NOS1: variants seen among roughly 807,000 people sequenced by gnomAD.
NOS1 encodes NOS type I.
Under a neutral mutation model 164.5 loss-of-function variants are expected in NOS1, and 51 were observed. That is an observed-to-expected ratio of 0.31 (90% CI 0.25 to 0.39). NOS1 has a LOEUF of 0.39. NOS1 is among the 10% of genes least tolerant of loss of function. NOS1 has a pLI of 1.00. For missense variants in NOS1, 1,362 were observed against 1,885.6 expected, an observed-to-expected ratio of 0.72 and a Z score of 5.14; for synonymous variants, 719 against 745.8, an observed-to-expected ratio of 0.96 and a Z score of 0.59.
chr12:117,285,015 A>C (rs1873994057), intron 7 of NOS1, among the ~76,000 whole-genome samples: 1 of 148,872 alleles, frequency 6.7e-6, no homozygotes, highest in Admixed American at 6.8e-5. Flanking sequence ...ATGCCACTGT[A>C]CTCCAGCCTG....
chr12:117,243,888 C>A lies in NOS1; in HGVS notation c.2824-453G>T. 6.6e-6 allele frequency among the ~76,000 whole-genome samples: 1 copy of A among 152,014 alleles called. No homozygotes were observed. Among genetic ancestry groups the A allele is most frequent in the Non-Finnish European group, 1.5e-5 (1 of 67,992 alleles). ...CCCACCCACCCACCTATCCATCTAT[C>A]TTTCCATGCAGGCATGCATCCATCC... On this transcript the variant is annotated intron_variant, in intron 18 of 28. Transcript: ENST00000317775. This position sits in a 1 kb window ranked among gnomAD's most constrained non-coding sequence, Gnocchi z 4.3.
chr12:117,329,138 A>C lies in NOS1; in HGVS notation c.725+1207T>G, dbSNP rs58471203. On this transcript the variant is annotated intron_variant, in intron 2 of 28. Coordinates refer to ENST00000317775, the MANE Select transcript of NOS1 (RefSeq NM_000620.5). Reference sequence around the variant, plus strand: ...CACCTGTAGCACATGACCTCATTACATATTTATATATTTATCTTATTTACC... The same window carrying C: ...CACCTGTAGCACATGACCTCATTACCTATTTATATATTTATCTTATTTACC... Among the ~76,000 whole-genome samples the C allele has an allele frequency of 9.7e-3, 1,471 of 152,276 alleles. 27 individuals carry two copies. Among genetic ancestry groups the C allele is most frequent in the South Asian group, 0.032 (152 of 4,822 alleles).
At chr12:117,314,541 T>C (rs55805437) in intron 2 of NOS1, among the ~76,000 whole-genome samples, 19,090 of 152,224 alleles carry the variant, frequency 0.13, 1,465 homozygotes, top group East Asian at 0.26. Context: ...TTTCCCAAGG[T>C]CCCACCGTAA....
In NOS1 at chr12:117,331,028, A is replaced by G; in HGVS notation, c.42T>C (p.Asn14=). ...HMFGVQQIQP[N]VISVRLFKRK... The stretch of plus-strand genomic sequence containing the variant: ...GCTTGAAGAGACGAACAGAAATGAC[A>G]TTGGGCTGGATTTGCTGAACACCGA... Residue 14 remains asparagine (N), a synonymous_variant, in exon 2 of 29, where the codon AAT becomes AAC. Transcript: ENST00000317775. The G allele has an allele frequency of 6.2e-7, 1 of 1,613,792 alleles. No individual in the cohort carries two copies. Among genetic ancestry groups the G allele is most frequent in the Non-Finnish European group, 8.5e-7 (1 of 1,179,776 alleles).
At chr12:117,228,728 C>A (rs1248620557) in intron 22 of NOS1, among the ~76,000 whole-genome samples, 1 of 152,062 alleles carries the variant, frequency 6.6e-6, no homozygotes, top group Non-Finnish European at 1.5e-5. Context: ...AAGATTTTCA[C>A]CATGTTCCTA....
chr12:117,282,305 G>GC (rs1873738951), intron 7 of NOS1, among the ~76,000 whole-genome samples: 3 of 152,112 alleles, frequency 2.0e-5, no homozygotes, highest in Admixed American at 2.0e-4. Flanking sequence ...GGATTCGCTG[G>GC]CCCCCCATCC....
rs1956473404 is a variant in NOS1, at chr12:117,208,397, T to C, written c.*6912A>G. The C allele has an allele frequency of 1.8e-6, 2 of 1,119,668 alleles. No homozygotes were observed. Among genetic ancestry groups the C allele is most frequent in the Non-Finnish European group, 2.4e-6 (2 of 841,068 alleles). 69.4% of individuals were successfully genotyped at this position (1,119,668 alleles called of 1,614,324 possible). A position where few individuals can be genotyped will look rare whatever the true frequency, so the allele number is the denominator to read the frequency against. On this transcript the variant is annotated 3_prime_UTR_variant, in exon 29 of 29. Coordinates refer to ENST00000317775, the MANE Select transcript of NOS1 (RefSeq NM_000620.5). ...ACGGCCGAGTTTCTGACAGCGTGTG[T>C]GTGTGTGTGTGTGTGTGTGTGTGTG...
chr12:117,232,094 C>T lies in NOS1; in HGVS notation c.3273G>A (p.Pro1091=), dbSNP rs1004551488. 2.5e-5 allele frequency: 40 copies of T among 1,611,860 alleles called. No individual in the cohort carries two copies. The highest frequency in any genetic ancestry group is 2.2e-4 in the Middle Eastern group (1 of 4,504). Residue 1091 remains proline (P), a synonymous_variant, in exon 22 of 29, where the codon CCG becomes CCA. Transcript: ENST00000317775. ...TGAAGGCCTGGAAGATGGTGCAGGG[C>T]GGGAGGCGGAGCTCGTCTGTCCAGT... ...ISNWTDELRL[P]PCTIFQAFKY...
chr12:117,347,289 A>C (rs551677360), intron 1 of NOS1, among the ~76,000 whole-genome samples: 1 of 104,130 alleles, frequency 9.6e-6, no homozygotes, highest in African/African-American at 3.5e-5. Flanking sequence ...ACCCTGTCTC[A>C]AAACAAGGAA....
intron 13 of NOS1, among the ~76,000 whole-genome samples, chr12:117,262,064 C>G (rs1193126266): frequency 1.3e-5 from 2 of 152,148 alleles, no homozygotes; most frequent in African/African-American, 4.8e-5. Flanking sequence ...CTGGGATTAT[C>G]GGCGTTAAGT....
intron 17 of NOS1, among the ~76,000 whole-genome samples, chr12:117,248,149 G>A (rs1037844194): frequency 2.6e-5 from 4 of 151,270 alleles, no homozygotes; most frequent in Admixed American, 6.6e-5. Context: ...TCTTGGACTT[G>A]TGGCTTCCAG....
chr12:117,264,287 T>C (rs1296274106), intron 12 of NOS1, among the ~76,000 whole-genome samples: 3 of 151,958 alleles, frequency 2.0e-5, no homozygotes, highest in Admixed American at 2.0e-4. Context: ...TTCTCTCTCT[T>C]AAGAGACAGG....
intron 3 of NOS1, among the ~76,000 whole-genome samples, chr12:117,305,785 C>T (rs1387640980): frequency 2.7e-5 from 4 of 150,292 alleles, no homozygotes; most frequent in Admixed American, 1.3e-4. Flanking sequence ...TTCGCAGGCC[C>T]GTGACTTTTT....
intron 16 of NOS1, 23 bp from the exon 17 acceptor site, chr12:117,253,777 G>A: frequency 6.4e-7 from 1 of 1,557,228 alleles, no homozygotes; most frequent in Admixed American, 1.7e-5. Context: ...AAGAGAACCT[G>A]TGAGCTCTGG....
chr12:117,220,997 C>G (rs1045153838), intron 26 of NOS1, among the ~76,000 whole-genome samples: 31 of 151,866 alleles, frequency 2.0e-4, no homozygotes, highest in African/African-American at 7.3e-4. Flanking sequence ...TCTCTGAGTG[C>G]CCCCCCAACC....
Position 117,210,195 on chromosome 12 carries a change from G to T in NOS1, c.*5114C>A. 1 of 653,212 alleles carries T rather than the reference G, an allele frequency of 1.5e-6. No homozygotes were observed. The highest frequency in any genetic ancestry group is 1.9e-6 in the Non-Finnish European group (1 of 529,058). 40.5% of individuals were successfully genotyped at this position (653,212 alleles called of 1,614,324 possible). The stretch of plus-strand genomic sequence containing the variant: ...GAGATTGCGCTGTGTTGCCCAAGCT[G>T]GTCTCAAACTCCTGGCCCCAAGTGA... On this transcript the variant is annotated 3_prime_UTR_variant, in exon 29 of 29. Coordinates refer to ENST00000317775, the MANE Select transcript of NOS1 (RefSeq NM_000620.5).
At chr12:117,250,588 C>G (rs1020032690) in intron 17 of NOS1, among the ~76,000 whole-genome samples, 2 of 152,150 alleles carry the variant, frequency 1.3e-5, no homozygotes, top group African/African-American at 4.8e-5. Flanking sequence ...CTTGGCCTCC[C>G]ACAGTGCTGG....
chr12:117,283,498 G>A (rs1471205929), intron 7 of NOS1, among the ~76,000 whole-genome samples: 1 of 152,188 alleles, frequency 6.6e-6, no homozygotes, highest in Non-Finnish European at 1.5e-5. Context: ...AGTGAAAAAA[G>A]TGGAGGTGCA....
chr12:117,266,385 C>T (rs1872415859), intron 11 of NOS1, among the ~76,000 whole-genome samples: 1 of 152,158 alleles, frequency 6.6e-6, no homozygotes. Flanking sequence ...TGAGTTACTT[C>T]ACTTAGAATA....
Sources: gnomAD v4.1 joint callset for allele counts (sites outside exome capture counted in the v4.1 genomes callset) on GRCh38, gnomAD v4.1.1 for gene constraint, Gnocchi (gnomAD v3.1) non-coding constraint, MANE v1.5 for transcripts, NCBI Gene and HGNC (gene_info 2026-07-23, HGNC 2026-07-21) for gene names.